TRPM3: variants seen among roughly 807,000 people sequenced by gnomAD.
TRPM3 encodes long transient receptor potential channel 3.
A neutral mutation model predicts 181.2 loss-of-function variants in TRPM3; 77 were observed. That is an observed-to-expected ratio of 0.42 (90% confidence interval 0.35 to 0.51). The LOEUF (loss-of-function observed/expected upper bound fraction) is 0.51. Among genes scored for constraint, TRPM3 ranks in the 20% least tolerant of loss-of-function variants. The pLI, the probability that TRPM3 is intolerant of heterozygous loss-of-function variation, is 0.01. For synonymous variants in TRPM3, 745 were observed against 796.4 expected (o/e 0.94, Z 1.09); for missense variants, 1,759 against 2,196.7 (o/e 0.80, Z 3.98).
intron 1 of TRPM3, among the ~76,000 whole-genome samples, chr9:71,287,977 C>T (rs889181453): frequency 1.3e-5 from 2 of 152,018 alleles, no homozygotes; most frequent in South Asian, 4.1e-4. Flanking sequence ...ACTTAAACTT[C>T]TAGAGGGCAG....
intron 1 of TRPM3, among the ~76,000 whole-genome samples, chr9:71,198,744 G>T (rs1415880688): frequency 1.3e-5 from 2 of 151,058 alleles, no homozygotes; most frequent in Admixed American, 1.3e-4. Flanking sequence ...CTTTGCTGAA[G>T]TTGCTTATCA....
Position 70,864,438 on chromosome 9 carries a change from G to C in TRPM3, c.251C>G (p.Pro84Arg), listed in dbSNP as rs1183297095. ...TTATAGACAGCAAGATTACCTATGGGGGTCTTTGGTGCTGGGTATGATGTG... is the reference window on the plus strand; with the variant it reads ...TTATAGACAGCAAGATTACCTATGGCGGTCTTTGGTGCTGGGTATGATGTG... ...CVHIIPSTKDPHRCCCGRLIG... is the reference protein window; with the variant it reads ...CVHIIPSTKDRHRCCCGRLIG... The change falls in exon 2 of 26, where the codon CCC becomes CGC. Residue 84 changes from proline to arginine, a missense_variant. Pro to Arg is a moderately radical substitution (Grantham distance 103). This residue lies in a region of TRPM3 where 737 missense variants were observed against 957.4 expected (regional missense o/e 0.77). Transcript: ENST00000677713. 2.0e-6 allele frequency: 3 copies of C among 1,480,942 alleles called. No individual in the cohort carries two copies. The allele number at this position is 1,480,942 out of a possible 1,614,324, so 91.7% of individuals were successfully genotyped here.
At chr9:70,809,878 C>A (rs2091572608) in intron 6 of TRPM3, 2 of 490,804 alleles carry the variant, frequency 4.1e-6, no homozygotes, top group Admixed American at 4.2e-5. Flanking sequence ...CAGTGTTTTT[C>A]ATCTCTCTTA....
At chr9:71,269,491 G>GAA (rs1280238204) in intron 1 of TRPM3, among the ~76,000 whole-genome samples, 1 of 152,210 alleles carries the variant, frequency 6.6e-6, no homozygotes, top group Non-Finnish European at 1.5e-5. Context: ...CATTTTAAAT[G>GAA]AAAGTCTGCA....
chr9:71,368,798 T>C (rs951973792), intron 1 of TRPM3, among the ~76,000 whole-genome samples: 1 of 152,196 alleles, frequency 6.6e-6, no homozygotes, highest in Non-Finnish European at 1.5e-5. Context: ...ACAGAACAAT[T>C]AGACAAACAC....
rs530886440 is a variant in TRPM3, at chr9:71,058,784, T to C, written c.177+62394A>G. On this transcript the variant is annotated intron_variant, in intron 1 of 25. Coordinates refer to ENST00000677713, the MANE Select transcript of TRPM3 (RefSeq NM_001366145.2). Reference sequence around the variant, plus strand: ...ATAAGCCAAAACCTAACTTGGACTATAATAAACAGTTGAGTTTCAGCCAAT... The same window carrying C: ...ATAAGCCAAAACCTAACTTGGACTACAATAAACAGTTGAGTTTCAGCCAAT... Among the ~76,000 whole-genome samples, 25 of 152,102 alleles carry C rather than the reference T, an allele frequency of 1.6e-4. No individual in the cohort carries two copies. The South Asian group carries it at 5.0e-3, about 30-fold the overall frequency.
intron 19 of TRPM3, among the ~76,000 whole-genome samples, chr9:70,607,030 T>C (rs1264256509): frequency 6.6e-6 from 1 of 152,066 alleles, no homozygotes; most frequent in Non-Finnish European, 1.5e-5. Context: ...TGCAGCCACT[T>C]CACACCTTGA....
chr9:70,982,124 A>G lies in TRPM3; in HGVS notation c.178-117613T>C, dbSNP rs148824501. ...CAAAACCAATTTCACCTCATTACAA[A>G]TATTTTCTTTTCCTTCTCAGTCTCA... is the stretch of plus-strand genomic sequence containing the variant. On this transcript the variant is annotated intron_variant, in intron 1 of 25. Transcript: ENST00000677713. 3.6e-3 allele frequency among the ~76,000 whole-genome samples: 549 copies of G among 152,240 alleles called. 4 individuals carry two copies. Among genetic ancestry groups the G allele is most frequent in the African/African-American group, 0.012 (518 of 41,538 alleles).
chr9:70,615,809 G>T, intron 18 of TRPM3, 99 bp downstream of exon 18: 1 of 1,240,566 alleles, frequency 8.1e-7, no homozygotes, highest in Non-Finnish European at 1.1e-6. Flanking sequence ...GCTGGGAACA[G>T]ATGTCTGACC....
rs548123523 is a variant in TRPM3 at position 70,970,727 on chromosome 9, C to G, written c.178-106216G>C. Among the ~76,000 whole-genome samples, 13 of 152,246 alleles carry G rather than the reference C, an allele frequency of 8.5e-5. No individual in the cohort carries two copies. In the South Asian group the frequency reaches 1.9e-3, roughly 22 times the overall value. On this transcript the variant is annotated intron_variant, in intron 1 of 25. Coordinates refer to ENST00000677713, the MANE Select transcript of TRPM3 (RefSeq NM_001366145.2). ...AAGTGAATGCTTCTAAGCAGGGAAG[C>G]TTCTCTGTGCGTTGTGTTGACCACT...
chr9:71,082,855 T>G (rs2064604346), intron 1 of TRPM3, among the ~76,000 whole-genome samples: 1 of 152,130 alleles, frequency 6.6e-6, no homozygotes, highest in Non-Finnish European at 1.5e-5. Context: ...ACAATAGATA[T>G]TAAGTTTTAC....
intron 20 of TRPM3, among the ~76,000 whole-genome samples, chr9:70,601,408 C>A (rs557454725): frequency 6.6e-6 from 1 of 152,274 alleles, no homozygotes; most frequent in South Asian, 2.1e-4. Flanking sequence ...AGCATGCAAA[C>A]TTTTCCACAT....
At chr9:70,601,187 T>C (rs959171780) in intron 20 of TRPM3, among the ~76,000 whole-genome samples, 14 of 152,262 alleles carry the variant, frequency 9.2e-5, no homozygotes, top group African/African-American at 2.9e-4. Flanking sequence ...GACGTCATCA[T>C]AGTCACGCCA....
intron 1 of TRPM3, among the ~76,000 whole-genome samples, chr9:71,301,163 T>C (rs1471548809): frequency 1.2e-4 from 18 of 152,094 alleles, no homozygotes; most frequent in African/African-American, 1.7e-4. Context: ...AAATTTTTAA[T>C]TAGGATTGAT....
chr9:71,158,800 A>T (rs1242403569), intron 1 of TRPM3, among the ~76,000 whole-genome samples: 1 of 152,050 alleles, frequency 6.6e-6, no homozygotes, highest in Non-Finnish European at 1.5e-5. Context: ...AAAGCAGATT[A>T]CCCTCCTCGA....
chr9:70,994,607 C>T (rs1352874242), intron 1 of TRPM3, among the ~76,000 whole-genome samples: 17 of 151,976 alleles, frequency 1.1e-4, no homozygotes, highest in Non-Finnish European at 8.8e-5. Context: ...GATACGTATG[C>T]CCAGAGAAAT....
At position 70,529,172 on chromosome 9, in the gene TRPM3, A is replaced by C. The variant is rs1220480794; in HGVS notation, c.*6781T>G. The C allele has an allele frequency of 2.0e-5, 3 of 152,180 alleles. No individual in the cohort carries two copies. Among genetic ancestry groups the C allele is most frequent in the Non-Finnish European group, 4.4e-5 (3 of 68,028 alleles). The allele number at this position is 152,180 out of a possible 1,614,324, so 9.4% of individuals were successfully genotyped here. A position where few individuals can be genotyped will look rare whatever the true frequency, so the allele number is the denominator to read the frequency against. ...CTTCTGCTCTGAATTGTATATCTAAACAATCAAACTCAAAGTGCATTGTGA... is the reference window on the plus strand; with the variant it reads ...CTTCTGCTCTGAATTGTATATCTAACCAATCAAACTCAAAGTGCATTGTGA... On this transcript the variant is annotated 3_prime_UTR_variant, in exon 26 of 26. Coordinates refer to ENST00000677713, the MANE Select transcript of TRPM3 (RefSeq NM_001366145.2).
At chr9:70,902,287 C>G (rs2096397936) in intron 1 of TRPM3, among the ~76,000 whole-genome samples, 1 of 152,214 alleles carries the variant, frequency 6.6e-6, no homozygotes, top group Non-Finnish European at 1.5e-5. Context: ...TTGGGGCATG[C>G]CCCTTTATGT....
At chr9:70,761,896 T>C (rs1247049464) in intron 7 of TRPM3, among the ~76,000 whole-genome samples, 172 bp from the exon 8 acceptor site, 1 of 152,172 alleles carries the variant, frequency 6.6e-6, no homozygotes, top group East Asian at 1.9e-4. Flanking sequence ...AGCAAGGCAT[T>C]TAAAAATAAA....
Sources: allele counts gnomAD v4.1 joint callset (sites outside exome capture counted in the v4.1 genomes callset), GRCh38; gene constraint gnomAD v4.1.1; regional missense constraint gnomAD v4.1.1; transcripts MANE v1.5; gene names NCBI Gene and HGNC (gene_info 2026-07-23, HGNC 2026-07-21).